The following PPM1E variants were observed in gnomAD, a reference collection of about 807,000 sequenced individuals.
PPM1E encodes protein phosphatase 1E.
In PPM1E, 20 loss-of-function variants were observed where a neutral mutation model predicts 65.9. That is an observed-to-expected ratio of 0.30 (90% CI 0.21 to 0.44). The LOEUF (loss-of-function observed/expected upper bound fraction) is 0.44, where lower values mean the gene tolerates loss of function less well. Among genes scored for constraint, PPM1E ranks in the 20% least tolerant of loss-of-function variants. PPM1E has a pLI of 1.00. For missense variants in PPM1E, 713 were observed against 953.1 expected, an observed-to-expected ratio of 0.75 and a Z score of 3.32; for synonymous variants, 352 against 374.9, an observed-to-expected ratio of 0.94 and a Z score of 0.70.
At chr17:58,874,695 C>G (rs1444673982) in intron 1 of PPM1E, among the ~76,000 whole-genome samples, 8 of 152,044 alleles carry the variant, frequency 5.3e-5, no homozygotes, top group African/African-American at 1.9e-4. Flanking sequence ...AAAGATTGAG[C>G]ATTTTCTCCA....
At chr17:58,804,647 A>C (rs1269897852) in intron 1 of PPM1E, among the ~76,000 whole-genome samples, 1 of 152,184 alleles carries the variant, frequency 6.6e-6, no homozygotes. Flanking sequence ...TCATTTGCTC[A>C]GGTATAATAG....
At chr17:58,791,053 C>T (rs1262058884) in intron 1 of PPM1E, among the ~76,000 whole-genome samples, 1 of 151,944 alleles carries the variant, frequency 6.6e-6, no homozygotes, top group Non-Finnish European at 1.5e-5. Context: ...CCCTGCCCGG[C>T]TAATTTTTTT....
chr17:58,793,661 A>T (rs2050178208), intron 1 of PPM1E, among the ~76,000 whole-genome samples: 2 of 151,508 alleles, frequency 1.3e-5, no homozygotes, highest in Non-Finnish European at 2.9e-5. Context: ...TGGCCAAAAT[A>T]TTTGTTATTA....
chr17:58,850,121 T>A (rs2050810907), intron 1 of PPM1E, among the ~76,000 whole-genome samples: 1 of 152,070 alleles, frequency 6.6e-6, no homozygotes, highest in Non-Finnish European at 1.5e-5. Context: ...TTTTTTTCCA[T>A]TTGCTTGGTA....
At chr17:58,871,331 G>A (rs1047761240) in intron 1 of PPM1E, among the ~76,000 whole-genome samples, 43 of 152,006 alleles carry the variant, frequency 2.8e-4, no homozygotes, top group Non-Finnish European at 4.4e-5. Flanking sequence ...TTGAGCCTCC[G>A]TGCCTGGCTC....
chr17:58,810,067 T>C (rs898902961), intron 1 of PPM1E, among the ~76,000 whole-genome samples: 1 of 152,238 alleles, frequency 6.6e-6, no homozygotes. Flanking sequence ...ATCTGTTGTG[T>C]ATTTTACATT....
chr17:58,771,004 A>C (rs1306325320), intron 1 of PPM1E, among the ~76,000 whole-genome samples: 2 of 151,812 alleles, frequency 1.3e-5, no homozygotes, highest in African/African-American at 2.4e-5. Flanking sequence ...CTACAGGCGC[A>C]TGCCACCACG....
chr17:58,977,554 G>A (rs771795035), intron 6 of PPM1E, among the ~76,000 whole-genome samples: 1 of 152,028 alleles, frequency 6.6e-6, no homozygotes, highest in Non-Finnish European at 1.5e-5. Flanking sequence ...TTATAATGTC[G>A]AAGACTAATT....
At chr17:58,882,741 A>G (rs1230599388) in intron 1 of PPM1E, among the ~76,000 whole-genome samples, 2 of 151,860 alleles carry the variant, frequency 1.3e-5, no homozygotes, top group African/African-American at 2.4e-5. Flanking sequence ...TAGCAATACT[A>G]CTATTTAACT....
Position 58,756,215 on chromosome 17 carries a change from T to A in PPM1E, c.218T>A (p.Val73Glu), listed in dbSNP as rs369227855. ...GAACCCGGGGAGGAGGCGGCCACGG[T>A]AGCCGCGACGGAGGAGGGGGACCAG... Reference protein sequence around the residue: ...VEEPGEEAATVAATEEGDQEQ... With the variant: ...VEEPGEEAATEAATEEGDQEQ... The change falls in exon 1 of 7, where the codon GTA becomes GAA. Residue 73 changes from valine to glutamate, a missense_variant. Val to Glu is a moderately radical substitution (Grantham distance 121). This residue lies in a region of PPM1E where 212 missense variants were observed against 204.0 expected (regional missense o/e 1.04). Transcript: ENST00000308249. 4.0e-5 allele frequency: 62 copies of A among 1,554,814 alleles called. No individual in the cohort carries two copies. The African/African-American group carries it at 6.4e-4, about 16-fold the overall frequency.
intron 1 of PPM1E, among the ~76,000 whole-genome samples, chr17:58,856,389 C>T (rs1458488293): frequency 1.3e-5 from 2 of 152,168 alleles, no homozygotes; most frequent in East Asian, 3.8e-4. Flanking sequence ...CAGGCCTGCG[C>T]CACCATGCCT....
At chr17:58,787,773 G>A (rs1013778736) in intron 1 of PPM1E, among the ~76,000 whole-genome samples, 2 of 151,754 alleles carry the variant, frequency 1.3e-5, no homozygotes, top group African/African-American at 4.8e-5. Context: ...CAGGCGTGGT[G>A]GCAGGCGCCT....
At chr17:58,774,164 C>T (rs866148666) in intron 1 of PPM1E, among the ~76,000 whole-genome samples, 1 of 150,952 alleles carries the variant, frequency 6.6e-6, no homozygotes, top group African/African-American at 2.4e-5. Context: ...CTCTGTCCCC[C>T]CCCCCCAAAA....
chr17:58,791,038 C>T (rs920935565), intron 1 of PPM1E, among the ~76,000 whole-genome samples: 19 of 151,890 alleles, frequency 1.3e-4, no homozygotes, highest in African/African-American at 3.4e-4. Flanking sequence ...TACAGGTGCC[C>T]GCCACCCTGC....
At position 58,925,300 on chromosome 17, in the gene PPM1E, GTTTT is replaced by G. The variant is rs376152093; in HGVS notation, c.465-30343_465-30340del. 4.2e-3 allele frequency among the ~76,000 whole-genome samples: 632 copies of G among 149,730 alleles called. 4 individuals carry two copies. Among genetic ancestry groups the G allele is most frequent in the African/African-American group, 0.015 (603 of 40,740 alleles). ...TGGTGTGAGATGGTATCTCATTGTG[GTTTT>G]TTTTTGCGTTTCTCTAATCATTAGT... is the stretch of plus-strand genomic sequence containing the variant. On this transcript the variant is annotated intron_variant, in intron 1 of 6. Transcript: ENST00000308249.
At chr17:58,891,613 G>A (rs1598633007) in intron 1 of PPM1E, among the ~76,000 whole-genome samples, 3 of 151,950 alleles carry the variant, frequency 2.0e-5, no homozygotes, top group South Asian at 2.1e-4. Context: ...ATGAGCCAAC[G>A]CGCCTGGCTG....
chr17:58,909,121 T>A (rs2051593162), intron 1 of PPM1E, among the ~76,000 whole-genome samples: 1 of 152,172 alleles, frequency 6.6e-6, no homozygotes, highest in South Asian at 2.1e-4. Flanking sequence ...GTTTCTGACC[T>A]ATATCAATTC....
chr17:58,779,888 T>A (rs1238670686), intron 1 of PPM1E, among the ~76,000 whole-genome samples: 2 of 152,302 alleles, frequency 1.3e-5, no homozygotes, highest in South Asian at 2.1e-4. Context: ...TAAAAGTGTA[T>A]CATGGCTGTC....
At chr17:58,853,787 C>T (rs1315978777) in intron 1 of PPM1E, among the ~76,000 whole-genome samples, 1 of 152,026 alleles carries the variant, frequency 6.6e-6, no homozygotes, top group Non-Finnish European at 1.5e-5. Flanking sequence ...GCCGAAATTG[C>T]ACCACTGCAC....
Sources: gnomAD v4.1 joint callset for allele counts (sites outside exome capture counted in the v4.1 genomes callset) on GRCh38, gnomAD v4.1.1 for gene constraint, gnomAD v4.1.1 regional missense constraint, MANE v1.5 for transcripts, NCBI Gene and HGNC (gene_info 2026-07-23, HGNC 2026-07-21) for gene names.